Variants in CDH12 observed in about 807,000 individuals in gnomAD.
CDH12 encodes the protein cadherin-12.
In CDH12, 41 loss-of-function variants were observed where a neutral mutation model predicts 74.1. The ratio of observed to expected loss-of-function variants is 0.55; its 90% CI spans 0.43 to 0.72. The LOEUF (loss-of-function observed/expected upper bound fraction) is 0.72, where lower values mean the gene tolerates loss of function less well. Ranked by LOEUF, CDH12 falls within the 30% of genes least tolerant of loss-of-function variation. The probability of loss-of-function intolerance (pLI) is 0.00; values close to 1 mark genes in which losing one functional copy is unlikely to be tolerated. For missense variants in CDH12, 945 were observed against 977.2 expected (o/e 0.97, Z 0.44); for synonymous variants, 399 against 355.0 (o/e 1.12, Z -1.39).
At chr5:22,447,951 G>T (rs1251303717) in intron 2 of CDH12, among the ~76,000 whole-genome samples, 1 of 140,918 alleles carries the variant, frequency 7.1e-6, no homozygotes, top group African/African-American at 2.6e-5. Flanking sequence ...GACCAACCTG[G>T]GCAACATGAT....
At chr5:22,557,030 T>C (rs1738830855) in intron 1 of CDH12, among the ~76,000 whole-genome samples, 1 of 152,164 alleles carries the variant, frequency 6.6e-6, no homozygotes, top group Non-Finnish European at 1.5e-5. Context: ...TAGTTCTCTC[T>C]TGGCTTAAAA....
intron 12 of CDH12, among the ~76,000 whole-genome samples, chr5:21,762,325 A>C (rs1312949167): frequency 6.6e-6 from 1 of 152,096 alleles, no homozygotes; most frequent in Non-Finnish European, 1.5e-5. Context: ...ATTTGTACTG[A>C]TTTACATAGC....
chr5:22,527,538 G>A (rs1356896317), intron 1 of CDH12, among the ~76,000 whole-genome samples: 1 of 152,064 alleles, frequency 6.6e-6, no homozygotes, highest in Non-Finnish European at 1.5e-5. Flanking sequence ...GCCCATTATG[G>A]TAACCACATC....
intron 2 of CDH12, among the ~76,000 whole-genome samples, chr5:22,492,297 A>C (rs1178776497): frequency 6.6e-6 from 1 of 151,826 alleles, no homozygotes; most frequent in African/African-American, 2.4e-5. Flanking sequence ...CCGTTCCCAG[A>C]CTTCTTTCTA....
chr5:22,815,687 T>C (rs1162126658), intron 1 of CDH12, among the ~76,000 whole-genome samples: 3 of 150,778 alleles, frequency 2.0e-5, no homozygotes, highest in Non-Finnish European at 4.4e-5. Flanking sequence ...GGAGAATCGC[T>C]TGAACCTGGG....
At chr5:22,512,844 T>C (rs1359610267) in intron 1 of CDH12, among the ~76,000 whole-genome samples, 1 of 152,040 alleles carries the variant, frequency 6.6e-6, no homozygotes, top group Non-Finnish European at 1.5e-5. Flanking sequence ...GGGTGGATCA[T>C]CTGAGTTCGG....
intron 6 of CDH12, among the ~76,000 whole-genome samples, chr5:21,890,233 C>G (rs770656942): frequency 9.9e-5 from 15 of 152,198 alleles, no homozygotes; most frequent in Admixed American, 4.6e-4. Flanking sequence ...ATTCGTTTCC[C>G]TATCCTCAGC....
intron 2 of CDH12, among the ~76,000 whole-genome samples, chr5:22,418,781 G>A (rs1401158992): frequency 2.0e-5 from 3 of 152,106 alleles, no homozygotes; most frequent in African/African-American, 7.2e-5. Context: ...CTACTCAAGA[G>A]GCTGAGGCAG....
At position 22,590,403 on chromosome 5, in the gene CDH12, T is replaced by C. The variant is rs145194973; in HGVS notation, c.-522-85039A>G. On this transcript the variant is annotated intron_variant, in intron 1 of 14. Transcript: ENST00000382254. The stretch of plus-strand genomic sequence containing the variant: ...ATTACCACTTGATATATCCTATGAT[T>C]AAAAAAACATGTAAAGTCTGGATCT... Among the ~76,000 whole-genome samples the C allele has an allele frequency of 1.9e-3, 287 of 152,244 alleles. 1 individual carries two copies. Among genetic ancestry groups the C allele is most frequent in the African/African-American group, 6.6e-3 (273 of 41,566 alleles).
chr5:22,483,389 G>C (rs1219619240), intron 2 of CDH12, among the ~76,000 whole-genome samples: 3 of 151,934 alleles, frequency 2.0e-5, no homozygotes, highest in African/African-American at 7.3e-5. Flanking sequence ...GCCAGGAGCT[G>C]TTCTAGGTAT....
intron 2 of CDH12, among the ~76,000 whole-genome samples, chr5:22,420,853 CCT>C (rs1188048766): frequency 3.9e-5 from 6 of 152,210 alleles, no homozygotes; most frequent in Middle Eastern, 3.4e-3. Flanking sequence ...TTGTTTGTGT[CCT>C]CTCTGATTTC....
chr5:22,476,075 C>T (rs1035923330), intron 2 of CDH12, among the ~76,000 whole-genome samples: 15 of 151,954 alleles, frequency 9.9e-5, no homozygotes, highest in Non-Finnish European at 2.1e-4. Context: ...AACTATTCTA[C>T]TTTTCTGTTT....
intron 2 of CDH12, among the ~76,000 whole-genome samples, chr5:22,478,442 G>T (rs1042522135): frequency 2.1e-3 from 277 of 128,976 alleles, no homozygotes; most frequent in African/African-American, 7.0e-3. Flanking sequence ...AAAAAAGAAA[G>T]AAATAATTTT....
intron 3 of CDH12, among the ~76,000 whole-genome samples, chr5:22,384,866 C>A (rs1361942640): frequency 6.6e-6 from 1 of 152,130 alleles, no homozygotes; most frequent in African/African-American, 2.4e-5. Flanking sequence ...TTAATACAAG[C>A]CTTGGGTCCG....
chr5:22,441,990 C>A (rs1219930696), intron 2 of CDH12, among the ~76,000 whole-genome samples: 1 of 152,082 alleles, frequency 6.6e-6, no homozygotes, highest in African/African-American at 2.4e-5. Flanking sequence ...AAGCATGAGC[C>A]ATGGAGCGTG....
chr5:22,531,516 T>C (rs1377485011), intron 1 of CDH12, among the ~76,000 whole-genome samples: 1 of 152,076 alleles, frequency 6.6e-6, no homozygotes, highest in East Asian at 1.9e-4. Flanking sequence ...ATCAGTACAT[T>C]TGTCTGCAAA....
At chr5:22,634,790 A>T (rs1738754305) in intron 1 of CDH12, among the ~76,000 whole-genome samples, 1 of 152,168 alleles carries the variant, frequency 6.6e-6, no homozygotes, top group African/African-American at 2.4e-5. Flanking sequence ...GAATAAACTT[A>T]TCAAAATAAG....
At chr5:22,175,229 G>A (rs1749263207) in intron 4 of CDH12, among the ~76,000 whole-genome samples, 1 of 151,792 alleles carries the variant, frequency 6.6e-6, no homozygotes, top group South Asian at 2.1e-4. Context: ...CAGATTATCA[G>A]TATTTGTTAC....
At chr5:22,566,264 G>C (rs1475960416) in intron 1 of CDH12, among the ~76,000 whole-genome samples, 5 of 147,418 alleles carry the variant, frequency 3.4e-5, no homozygotes, top group Non-Finnish European at 5.9e-5. Flanking sequence ...TTGAGATGGA[G>C]TCTCACTCTG....
Sources: gnomAD v4.1 joint callset for allele counts (sites outside exome capture counted in the v4.1 genomes callset) on GRCh38, gnomAD v4.1.1 for gene constraint, MANE v1.5 for transcripts, NCBI Gene and HGNC (gene_info 2026-07-23, HGNC 2026-07-21) for gene names.